DLG2: variants seen among roughly 807,000 people sequenced by gnomAD.
DLG2 encodes discs large MAGUK scaffold protein 2, also known as disks large homolog 2.
In DLG2, 45 loss-of-function variants were observed where a neutral mutation model predicts 132.5. The observed-to-expected ratio is 0.34, with a 90% CI of 0.27 to 0.44. DLG2 has a LOEUF of 0.44. Ranked by LOEUF, DLG2 falls within the 20% of genes least tolerant of loss-of-function variation. The pLI is 1.00. For synonymous variants in DLG2, 424 were observed against 419.6 expected (o/e 1.01, Z -0.13); for missense variants, 1,045 against 1,196.9 (o/e 0.87, Z 1.87).
chr11:84,018,877 T>A (rs1358119449), intron 11 of DLG2, among the ~76,000 whole-genome samples: 4 of 151,424 alleles, frequency 2.6e-5, no homozygotes, highest in African/African-American at 9.7e-5. Flanking sequence ...ACTAAAATAG[T>A]GTATCCAGGA....
At chr11:85,070,402 C>G (rs1339070130) in intron 6 of DLG2, among the ~76,000 whole-genome samples, 1 of 151,552 alleles carries the variant, frequency 6.6e-6, no homozygotes, top group Non-Finnish European at 1.5e-5. Flanking sequence ...TGGAATCAAC[C>G]TAAGTGTTTA....
At chr11:84,600,243 G>GA (rs1565420863) in intron 6 of DLG2, among the ~76,000 whole-genome samples, 3 of 99,446 alleles carry the variant, frequency 3.0e-5, no homozygotes, top group African/African-American at 8.7e-5. Context: ...AGACAGAAAA[G>GA]CAAGCAAGCA....
At chr11:83,850,162 T>G (rs199861191) in intron 16 of DLG2, among the ~76,000 whole-genome samples, 5,289 of 115,480 alleles carry the variant, frequency 0.046, 174 homozygotes, top group Non-Finnish European at 0.052. Context: ...GTGTGTGTGT[T>G]TTTTTACTTG....
intron 3 of DLG2, among the ~76,000 whole-genome samples, chr11:85,485,024 A>C (rs1301975652): frequency 1.3e-5 from 2 of 152,188 alleles, no homozygotes; most frequent in African/African-American, 2.4e-5. Flanking sequence ...ATGCAGCCAT[A>C]AAAAATGATG....
intron 6 of DLG2, among the ~76,000 whole-genome samples, chr11:84,950,992 A>T (rs984469225): frequency 6.6e-6 from 1 of 152,252 alleles, no homozygotes; most frequent in Non-Finnish European, 1.5e-5. Context: ...TATTTAAAGT[A>T]GACTCTACCA....
intron 3 of DLG2, among the ~76,000 whole-genome samples, chr11:85,344,711 G>A (rs2082712536): frequency 6.6e-6 from 1 of 151,874 alleles, no homozygotes; most frequent in Non-Finnish European, 1.5e-5. Context: ...GTTCCATTAT[G>A]GATCCTACAG....
chr11:83,808,747 A>C (rs1171487812), intron 17 of DLG2, among the ~76,000 whole-genome samples: 1 of 152,096 alleles, frequency 6.6e-6, no homozygotes, highest in African/African-American at 2.4e-5. Flanking sequence ...AAAAGTTGCC[A>C]TGTACACTGC....
intron 9 of DLG2, among the ~76,000 whole-genome samples, chr11:84,158,909 G>A (rs557271817): frequency 1.3e-5 from 2 of 152,286 alleles, no homozygotes; most frequent in South Asian, 2.1e-4. Flanking sequence ...TATATATGCT[G>A]CTCTAAACCT....
At chr11:84,379,700 C>G (rs2098742524) in intron 7 of DLG2, among the ~76,000 whole-genome samples, 1 of 151,776 alleles carries the variant, frequency 6.6e-6, no homozygotes, top group African/African-American at 2.4e-5. Context: ...TGAGTATAAA[C>G]CGTAACATTA....
rs546723456 is a variant in DLG2, at chr11:85,534,536, C to T, written c.40+64121G>A. Among the ~76,000 whole-genome samples the T allele has an allele frequency of 7.3e-4, 111 of 152,202 alleles. 1 individual carries two copies. The highest frequency in any genetic ancestry group is 6.9e-3 in the Admixed American group (106 of 15,280). ...TGGAGTCCCCAGTGTCTATTGTTCC[C>T]ATCTTTATGTCAATTGTGTACCCAA... On this transcript the variant is annotated intron_variant, in intron 3 of 27. Coordinates refer to ENST00000376104, the MANE Select transcript of DLG2 (RefSeq NM_001142699.3).
chr11:85,221,203 C>T (rs1285161628), intron 4 of DLG2, among the ~76,000 whole-genome samples: 3 of 151,986 alleles, frequency 2.0e-5, no homozygotes, highest in East Asian at 1.9e-4. Context: ...CCACCACACC[C>T]GGCTAATTTT....
At chr11:84,718,265 CATT>C (rs572875024) in intron 6 of DLG2, among the ~76,000 whole-genome samples, 117 of 152,084 alleles carry the variant, frequency 7.7e-4, no homozygotes, top group African/African-American at 2.6e-3. Context: ...TTTCACATAA[CATT>C]AATTTATTTT....
intron 11 of DLG2, among the ~76,000 whole-genome samples, chr11:84,034,711 C>G (rs1477738911): frequency 6.6e-6 from 1 of 152,060 alleles, no homozygotes; most frequent in Non-Finnish European, 1.5e-5. Context: ...TGATAGGAGA[C>G]AGCAAGTAGC....
intron 5 of DLG2, among the ~76,000 whole-genome samples, chr11:85,119,273 G>C (rs767108715): frequency 3.3e-5 from 5 of 151,884 alleles, no homozygotes; most frequent in Non-Finnish European, 7.4e-5. Flanking sequence ...TTATTTACTT[G>C]AAATCATTGG....
chr11:84,878,551 T>A (rs2086780982), intron 6 of DLG2, among the ~76,000 whole-genome samples: 1 of 151,978 alleles, frequency 6.6e-6, no homozygotes, highest in Non-Finnish European at 1.5e-5. Context: ...CACTGGGTCC[T>A]GTCGGTGGGT....
chr11:85,498,614 C>A (rs2093723293), intron 3 of DLG2, among the ~76,000 whole-genome samples: 1 of 152,186 alleles, frequency 6.6e-6, no homozygotes, highest in Middle Eastern at 3.2e-3. Context: ...CACCCCAAAT[C>A]AACAGAATAT....
At chr11:84,166,799 G>A in intron 8 of DLG2, 1 of 408,346 alleles carries the variant, frequency 2.4e-6, no homozygotes, top group Non-Finnish European at 5.0e-6. Context: ...TGGGTGGTTT[G>A]CAAACAATCC....
At chr11:83,731,036 T>C (rs1219729786) in intron 18 of DLG2, among the ~76,000 whole-genome samples, 1 of 152,350 alleles carries the variant, frequency 6.6e-6, no homozygotes, top group East Asian at 1.9e-4. Context: ...GTTTATTCTG[T>C]TGAGTTAGTA....
chr11:84,942,208 T>G (rs956952049), intron 6 of DLG2, among the ~76,000 whole-genome samples: 3 of 152,308 alleles, frequency 2.0e-5, no homozygotes, highest in Non-Finnish European at 4.4e-5. Flanking sequence ...TTTGTTTATC[T>G]ATTGTATTTT....
Sources: allele counts gnomAD v4.1 joint callset (sites outside exome capture counted in the v4.1 genomes callset), GRCh38; gene constraint gnomAD v4.1.1; transcripts MANE v1.5; gene names NCBI Gene and HGNC (gene_info 2026-07-23, HGNC 2026-07-21).